PDZD2: variants seen among roughly 807,000 people sequenced by gnomAD.
PDZD2 encodes the protein PDZ domain containing 2.
PDZD2 carries 90 observed loss-of-function variants against 220.7 expected under a neutral mutation model. The ratio of observed to expected loss-of-function variants is 0.41; its 90% confidence interval spans 0.34 to 0.49. The LOEUF (loss-of-function observed/expected upper bound fraction) is 0.49. Among genes scored for constraint, PDZD2 ranks in the 20% least tolerant of loss-of-function variants. The pLI is 0.28. For synonymous variants in PDZD2, 1,375 were observed against 1,450.5 expected, an observed-to-expected ratio of 0.95 and a Z score of 1.18; for missense variants, 3,174 against 3,608.5, an observed-to-expected ratio of 0.88 and a Z score of 3.08.
At chr5:31,848,965 C>T (rs1041916130) in intron 2 of PDZD2, among the ~76,000 whole-genome samples, 2 of 152,086 alleles carry the variant, frequency 1.3e-5, no homozygotes, top group African/African-American at 2.4e-5. Context: ...AGGAGAATGG[C>T]GTGAACCCAG....
chr5:32,008,947 G>A (rs956684207), intron 5 of PDZD2, among the ~76,000 whole-genome samples: 1 of 152,164 alleles, frequency 6.6e-6, no homozygotes, highest in African/African-American at 2.4e-5. Context: ...AGTGGGCAAG[G>A]AAGAGTCCAA....
intron 2 of PDZD2, among the ~76,000 whole-genome samples, chr5:31,857,540 A>G (rs1758564516): frequency 1.3e-5 from 2 of 152,212 alleles, no homozygotes; most frequent in Admixed American, 1.3e-4. Flanking sequence ...TTCTCTCAGA[A>G]GTTAGAAAGC....
chr5:32,028,117 T>G (rs1188662074), intron 6 of PDZD2, among the ~76,000 whole-genome samples: 1 of 152,090 alleles, frequency 6.6e-6, no homozygotes, highest in Non-Finnish European at 1.5e-5. Flanking sequence ...TGAAGTTTTC[T>G]TTGGGACTAG....
In PDZD2 at chr5:32,087,185, A is replaced by C. The variant is rs868311261; in HGVS notation, c.3737A>C (p.His1246Pro). The change falls in exon 20 of 25, where the codon CAT becomes CCT. Residue 1246 changes from histidine to proline, a missense_variant. By Grantham distance (77) the His-to-Pro change is moderately conservative (BLOSUM62 -2). Transcript: ENST00000438447. This position sits in a 1 kb window ranked among gnomAD's most constrained non-coding sequence, Gnocchi z 4.0. ...ISSPGKKGAA[H>P]PDPSKTSVDT... Reference sequence around the variant, plus strand: ...TCCCCAGGGAAGAAGGGGGCCGCTCATCCTGACCCCAGCAAGACCTCTGTA... The same window carrying C: ...TCCCCAGGGAAGAAGGGGGCCGCTCCTCCTGACCCCAGCAAGACCTCTGTA... The C allele has an allele frequency of 6.2e-7, 1 of 1,613,908 alleles. No homozygotes were observed. The highest frequency in any genetic ancestry group is 8.5e-7 in the Non-Finnish European group (1 of 1,179,858).
chr5:31,838,140 C>G (rs959502548), intron 2 of PDZD2, among the ~76,000 whole-genome samples: 1 of 152,176 alleles, frequency 6.6e-6, no homozygotes, highest in Non-Finnish European at 1.5e-5. Context: ...TCACTGTAAC[C>G]TCCGCCTCCA....
Position 31,984,174 on chromosome 5 carries a change from T to G in PDZD2, c.978+518T>G, listed in dbSNP as rs184341696. Among the ~76,000 whole-genome samples, 104 of 152,348 alleles carry G rather than the reference T, an allele frequency of 6.8e-4. 1 individual carries two copies. The East Asian group carries it at 0.015, about 22-fold the overall frequency. ...CAGTTCAAAATTAGTGATGTTTTCA[T>G]GGGATCACGTTATTACATTGCTGAG... On this transcript the variant is annotated intron_variant, in intron 3 of 24. Coordinates refer to ENST00000438447, the MANE Select transcript of PDZD2 (RefSeq NM_178140.4).
rs1464340508 is a variant in PDZD2 at position 32,110,438 on chromosome 5, G to C, written c.*2303G>C. ...CTAAACTGTCTTTGACCCTAAGATAGATAGAAAGCTATTTATTTGTCTTCA... is the reference window on the plus strand; with the variant it reads ...CTAAACTGTCTTTGACCCTAAGATACATAGAAAGCTATTTATTTGTCTTCA... On this transcript the variant is annotated 3_prime_UTR_variant, in exon 25 of 25. Transcript: ENST00000438447. 6.6e-6 allele frequency: 1 copy of C among 152,626 alleles called. No individual in the cohort carries two copies. Among genetic ancestry groups the C allele is most frequent in the Admixed American group, 6.5e-5 (1 of 15,282 alleles). 9.5% of individuals were successfully genotyped at this position (152,626 alleles called of 1,614,324 possible). A position where few individuals can be genotyped will look rare whatever the true frequency, so the allele number is the denominator to read the frequency against.
At chr5:31,672,571 A>G (rs539220921) in intron 1 of PDZD2, among the ~76,000 whole-genome samples, 109 of 152,322 alleles carry the variant, frequency 7.2e-4, no homozygotes, top group South Asian at 6.6e-3. Flanking sequence ...AGCGACAGGA[A>G]GTCAGTGTTC....
intron 6 of PDZD2, among the ~76,000 whole-genome samples, chr5:32,034,303 C>A (rs1755354541): frequency 6.6e-6 from 1 of 151,800 alleles, no homozygotes; most frequent in African/African-American, 2.4e-5. Flanking sequence ...GAATCCCTTA[C>A]TCTGAAGGTC....
intron 7 of PDZD2, among the ~76,000 whole-genome samples, chr5:32,040,683 TG>T (rs1409804321): frequency 6.6e-5 from 9 of 136,770 alleles, no homozygotes; most frequent in African/African-American, 2.5e-4. Context: ...ATCTGGGAAG[TG>T]GGGAGAGCCT....
chr5:32,020,383 A>C (rs1483647942), intron 6 of PDZD2, among the ~76,000 whole-genome samples: 2 of 152,236 alleles, frequency 1.3e-5, no homozygotes, highest in Admixed American at 6.5e-5. Context: ...TCTGCCATAG[A>C]CAAAATTATG....
Position 32,097,268 on chromosome 5 carries a change from G to GT in PDZD2, c.7846-7dup. The GT allele has an allele frequency of 6.4e-7, 1 of 1,571,984 alleles. No homozygotes were observed. Among genetic ancestry groups the GT allele is most frequent in the Non-Finnish European group, 8.8e-7 (1 of 1,141,748 alleles). The stretch of plus-strand genomic sequence containing the variant: ...GTAGCTCAAAGGATAATTTTTGTTT[G>GT]TTTTCACTAGAATGAAGAAGATGTT... On this transcript the variant is annotated splice_polypyrimidine_tract_variant and intron_variant, in intron 21 of 24. Coordinates refer to ENST00000438447, the MANE Select transcript of PDZD2 (RefSeq NM_178140.4).
intron 7 of PDZD2, 48 bp downstream of exon 7, chr5:32,037,390 G>T: frequency 9.4e-7 from 1 of 1,064,708 alleles, no homozygotes; most frequent in Non-Finnish European, 1.5e-6. Flanking sequence ...TGAGTTTTCA[G>T]CCTCAGGAGC....
intron 2 of PDZD2, among the ~76,000 whole-genome samples, chr5:31,927,550 A>C (rs1744908213): frequency 6.6e-6 from 1 of 151,830 alleles, no homozygotes; most frequent in Non-Finnish European, 1.5e-5. Flanking sequence ...CACCCAGCTA[A>C]TTTTTGTATT....
chr5:31,996,131 G>A (rs534748944), intron 4 of PDZD2, among the ~76,000 whole-genome samples: 9 of 152,264 alleles, frequency 5.9e-5, no homozygotes, highest in South Asian at 2.1e-4. Context: ...TTTTCAGTCC[G>A]ACCACAGTTC....
chr5:32,089,347 T>C lies in PDZD2; in HGVS notation c.5899T>C (p.Ser1967Pro), dbSNP rs1429485664. 6.2e-7 allele frequency: 1 copy of C among 1,613,910 alleles called. No homozygotes were observed. The highest frequency in any genetic ancestry group is 1.3e-5 in the African/African-American group (1 of 74,890). Residue 1967 changes from serine (S) to proline (P), a missense_variant, in exon 20 of 25, where the codon TCT becomes CCT. By Grantham distance (74) the Ser-to-Pro change is moderately conservative (BLOSUM62 -1). This residue lies in a region of PDZD2 where 1,861 missense variants were observed against 2,001.0 expected (regional missense o/e 0.93). Coordinates refer to ENST00000438447, the MANE Select transcript of PDZD2 (RefSeq NM_178140.4). Reference protein sequence around the residue: ...VLESKPPLATSGPLKPSVSDT... With the variant: ...VLESKPPLATPGPLKPSVSDT... The stretch of plus-strand genomic sequence containing the variant: ...GGAAAGCAAGCCACCTCTTGCCACC[T>C]CTGGGCCACTGAAACCCTCAGTGTC...
chr5:32,034,773 T>G lies in PDZD2; in HGVS notation c.1408-2458T>G, dbSNP rs148320720. Among the ~76,000 whole-genome samples the G allele has an allele frequency of 2.0e-5, 3 of 152,294 alleles. No homozygotes were observed. In the East Asian group the frequency reaches 5.8e-4, roughly 29 times the overall value. On this transcript the variant is annotated intron_variant, in intron 6 of 24. Transcript: ENST00000438447. ...TTTTTAAGTCAAGCAAAGGGGAGGCTCTAAGGCTTTTCTCTAGATTCTTCC... is the reference window on the plus strand; with the variant it reads ...TTTTTAAGTCAAGCAAAGGGGAGGCGCTAAGGCTTTTCTCTAGATTCTTCC...
At chr5:32,101,804 A>G (rs1356379713) in intron 24 of PDZD2, among the ~76,000 whole-genome samples, 2 of 152,256 alleles carry the variant, frequency 1.3e-5, no homozygotes, top group South Asian at 2.1e-4. Flanking sequence ...ATCAACTTGC[A>G]TAATTCATTT....
intron 1 of PDZD2, among the ~76,000 whole-genome samples, chr5:31,718,857 C>A (rs1249403812): frequency 1.3e-5 from 2 of 152,096 alleles, no homozygotes. Context: ...CATGCCACCA[C>A]ACCCAGGTAA....
Sources: gnomAD v4.1 joint callset for allele counts (sites outside exome capture counted in the v4.1 genomes callset) on GRCh38, gnomAD v4.1.1 for gene constraint, gnomAD v4.1.1 regional missense constraint, Gnocchi (gnomAD v3.1) non-coding constraint, MANE v1.5 for transcripts, NCBI Gene and HGNC (gene_info 2026-07-23, HGNC 2026-07-21) for gene names.